POLR1C: variants seen among roughly 807,000 people sequenced by gnomAD.
POLR1C encodes the protein RNA polymerase I and III subunit C.
A neutral mutation model predicts 38.3 loss-of-function variants in POLR1C; 42 were observed. The observed-to-expected ratio is 1.10, with a 90% CI of 0.86 to 1.42. POLR1C has a LOEUF of 1.42. Ranked by LOEUF, POLR1C falls within the 40% of genes most tolerant of loss-of-function variation. The probability of loss-of-function intolerance (pLI) is 0.00; values close to 1 mark genes in which losing one functional copy is unlikely to be tolerated. For synonymous variants in POLR1C, 163 were observed against 163.9 expected (o/e 0.99, Z 0.04); for missense variants, 507 against 450.5 (o/e 1.13, Z -1.14).
chr6:43,527,654 C>T lies in POLR1C; in HGVS notation c.923-1595C>T, dbSNP rs767954093. On this transcript the variant is annotated intron_variant, in intron 8 of 8. Coordinates refer to the POLR1C transcript ENST00000304004. Reference sequence around the variant, plus strand: ...CTTACTGATTAGGTCCATGACTTCTCGGGTTAACATCCTCACCAGTTGCTC... The same window carrying T: ...CTTACTGATTAGGTCCATGACTTCTTGGGTTAACATCCTCACCAGTTGCTC... The T allele has an allele frequency of 5.0e-6, 8 of 1,613,858 alleles. No individual in the cohort carries two copies.
chr6:43,535,460 G>C (rs538917271), intron 9 of POLR1C, among the ~76,000 whole-genome samples: 1 of 152,016 alleles, frequency 6.6e-6, no homozygotes, highest in African/African-American at 2.4e-5. Flanking sequence ...TGTGGTGGTG[G>C]GTGCCGGGCA....
intron 9 of POLR1C, among the ~76,000 whole-genome samples, chr6:43,535,967 A>G (rs559031534): frequency 1.3e-5 from 2 of 151,704 alleles, no homozygotes; most frequent in South Asian, 4.2e-4. Context: ...TACTAAAAAT[A>G]TAAAAATTAG....
chr6:43,529,909 C>CAAAAAAAA (rs1191727799), downstream of POLR1C, among the ~76,000 whole-genome samples: 151 of 97,492 alleles, frequency 1.5e-3, 1 homozygote, highest in Non-Finnish European at 2.3e-3. Context: ...GACCCTGTCT[C>CAAAAAAAA]AAAAAAAAAA....
intron 9 of POLR1C, chr6:43,548,482 A>C (rs1795070646): frequency 1.3e-6 from 2 of 1,512,708 alleles, no homozygotes; most frequent in African/African-American, 1.4e-5. Context: ...AAAGAAAAAA[A>C]GCCAGAGGTG....
chr6:43,519,899 A>C (rs1396350638), intron 4 of POLR1C, 61 bp downstream of exon 4: 8 of 1,575,852 alleles, frequency 5.1e-6, no homozygotes, highest in Non-Finnish European at 6.1e-6. Context: ...GTTGACTGTG[A>C]TGTTGGGTAA....
intron 10 of POLR1C, chr6:43,561,024 C>CT: frequency 6.3e-7 from 1 of 1,598,436 alleles, no homozygotes; most frequent in Non-Finnish European, 8.6e-7. Context: ...GAGAAGACCA[C>CT]TATATTAACG....
chr6:43,528,468 T>C (rs1036310016), intron 8 of POLR1C, among the ~76,000 whole-genome samples: 3 of 152,162 alleles, frequency 2.0e-5, no homozygotes, highest in African/African-American at 4.8e-5. Context: ...CCTGGGTCTC[T>C]AGACATACCT....
At chr6:43,524,711 T>G, downstream of POLR1C, 2 of 1,588,158 alleles carry the variant, frequency 1.3e-6, no homozygotes, top group South Asian at 1.1e-5. Context: ...CCACACCCAT[T>G]TCTCAGAGAT....
At chr6:43,519,910 G>A in intron 4 of POLR1C, 72 bp downstream of exon 4, 1 of 1,561,962 alleles carries the variant, frequency 6.4e-7, no homozygotes, top group South Asian at 1.1e-5. Context: ...TGTTGGGTAA[G>A]TTACTTATCT....
chr6:43,555,073 C>G (rs908470821), intron 10 of POLR1C: 1 of 151,914 alleles, frequency 6.6e-6, no homozygotes, highest in Non-Finnish European at 1.5e-5. Flanking sequence ...TCCCAAGTAG[C>G]TGGGATCACA....
intron 9 of POLR1C, among the ~76,000 whole-genome samples, chr6:43,543,335 CCTAG>C (rs1794794227): frequency 6.6e-6 from 1 of 152,046 alleles, no homozygotes; most frequent in Non-Finnish European, 1.5e-5. Flanking sequence ...TGGCTGTAGT[CCTAG>C]CTACTCAGGA....
chr6:43,522,814 C>A, downstream of POLR1C: 1 of 367,704 alleles, frequency 2.7e-6, no homozygotes, highest in Non-Finnish European at 6.1e-6. Context: ...CCAGTAATAA[C>A]CTCAGGGCCA....
chr6:43,522,825 G>C (rs148681590), downstream of POLR1C: 132 of 332,074 alleles, frequency 4.0e-4, no homozygotes, highest in African/African-American at 2.7e-3. Context: ...CTCAGGGCCA[G>C]GTCCCGTATC....
At chr6:43,521,605 G>C, downstream of POLR1C, 1 of 518,930 alleles carries the variant, frequency 1.9e-6, no homozygotes, top group Non-Finnish European at 3.0e-6. Context: ...GCTCACTGCA[G>C]CTTCCTCCTG....
chr6:43,547,756 G>A, intron 9 of POLR1C: 1 of 1,552,078 alleles, frequency 6.4e-7, no homozygotes, highest in East Asian at 2.2e-5. Flanking sequence ...TTTAAACAAG[G>A]ACAGTTTCTT....
chr6:43,534,690 C>T (rs773323364), intron 9 of POLR1C, among the ~76,000 whole-genome samples: 2 of 152,074 alleles, frequency 1.3e-5, no homozygotes, highest in African/African-American at 2.4e-5. Flanking sequence ...ATAGTTTGTT[C>T]TTTTTGTTCT....
chr6:43,520,172 CGTGAACCACAAAG>C lies in POLR1C; in HGVS notation c.494_502+4del, dbSNP rs755323652. 6.2e-7 allele frequency: 1 copy of C among 1,614,204 alleles called. No individual in the cohort carries two copies. Among genetic ancestry groups the C allele is most frequent in the Non-Finnish European group, 8.5e-7 (1 of 1,180,054 alleles). ...ATTCCTCTGACCCCAACGAACTGTA[CGTGAACCACAAAG>C]GTGAGTAGTGGTAGGGTGAGGAAGA... On this transcript the variant is annotated frameshift_variant and splice_region_variant, in exon 5 of 9. Transcript: ENST00000642195. LOFTEE classifies it high-confidence loss of function.
chr6:43,525,297 G>GTTT, downstream of POLR1C: 54 of 1,075,878 alleles, frequency 5.0e-5, no homozygotes, highest in Non-Finnish European at 6.3e-5. Flanking sequence ...GAGCCGGAGG[G>GTTT]TTTTTTTTTT....
intron 10 of POLR1C, chr6:43,556,107 C>T (rs1225528674): frequency 1.1e-5 from 12 of 1,085,740 alleles, no homozygotes; most frequent in Non-Finnish European, 1.5e-5. Flanking sequence ...GTAATAATCA[C>T]TCAATAAAAC....
Sources: gnomAD v4.1 joint callset for allele counts (sites outside exome capture counted in the v4.1 genomes callset) on GRCh38, gnomAD v4.1.1 for gene constraint, MANE v1.5 for transcripts, NCBI Gene and HGNC (gene_info 2026-07-23, HGNC 2026-07-21) for gene names.